The following ZNF627 variants were observed in gnomAD, a reference collection of about 807,000 sequenced individuals.
The protein encoded by ZNF627 is zinc finger protein 627.
In ZNF627, 12 loss-of-function variants were observed where a neutral mutation model predicts 10.6. The observed-to-expected ratio is 1.13, with a 90% CI of 0.73 to 1.84. The LOEUF (loss-of-function observed/expected upper bound fraction) is 1.84. ZNF627 is among the 40% of genes most tolerant of loss of function. ZNF627 has a pLI of 0.00. For missense variants in ZNF627, 504 were observed against 568.4 expected, an observed-to-expected ratio of 0.89 and a Z score of 1.15; for synonymous variants, 176 against 187.1, an observed-to-expected ratio of 0.94 and a Z score of 0.48.
Position 11,615,782 on chromosome 19 carries a change from A to G in ZNF627, c.191+895A>G, listed in dbSNP as rs568512042. On this transcript the variant is annotated intron_variant, in intron 3 of 3. Coordinates refer to ENST00000361113, the MANE Select transcript of ZNF627 (RefSeq NM_145295.4). ...GCCCAGGCTGGAGTGCAAGGGTGCCATCTTGGCTCACTGCAACCTCCGCCT... is the reference window on the plus strand; with the variant it reads ...GCCCAGGCTGGAGTGCAAGGGTGCCGTCTTGGCTCACTGCAACCTCCGCCT... 9.4e-4 allele frequency among the ~76,000 whole-genome samples: 131 copies of G among 139,998 alleles called. 1 individual carries two copies. The highest frequency in any genetic ancestry group is 3.3e-3 in the African/African-American group (126 of 37,712). The allele number at this position is 139,998 out of a possible 152,430, so 91.8% of individuals were successfully genotyped here.
chr19:11,617,966 C>T lies in ZNF627; in HGVS notation c.*77C>T. 1.6e-6 allele frequency: 2 copies of T among 1,280,774 alleles called. No individual in the cohort carries two copies. Among genetic ancestry groups the T allele is most frequent in the Non-Finnish European group, 2.1e-6 (2 of 945,190 alleles). 79.3% of individuals were successfully genotyped at this position (1,280,774 alleles called of 1,614,324 possible). On this transcript the variant is annotated 3_prime_UTR_variant, in exon 4 of 4. Coordinates refer to ENST00000361113, the MANE Select transcript of ZNF627 (RefSeq NM_145295.4). The stretch of plus-strand genomic sequence containing the variant: ...AGCCTTCAGTCCTTTCTGTTTCTTT[C>T]AACTACGTGAAAGGATTCACAGTGG...
intron 1 of ZNF627, among the ~76,000 whole-genome samples, chr19:11,602,885 T>G (rs1246561511): frequency 6.6e-6 from 1 of 152,118 alleles, no homozygotes; most frequent in Admixed American, 6.6e-5. Context: ...GTGGGTTGTG[T>G]GAAACACCTG....
At chr19:11,602,181 A>C (rs751401490) in intron 1 of ZNF627, among the ~76,000 whole-genome samples, 7 of 151,630 alleles carry the variant, frequency 4.6e-5, no homozygotes, top group Non-Finnish European at 1.0e-4. Flanking sequence ...GAGGGTCATC[A>C]GAGGGGTTGT....
chr19:11,612,285 TA>T (rs1410844541), intron 1 of ZNF627, among the ~76,000 whole-genome samples: 1 of 151,776 alleles, frequency 6.6e-6, no homozygotes, highest in African/African-American at 2.4e-5. Context: ...CACGCCCGGC[TA>T]ATTTTTTGTA....
chr19:11,617,071 A>G lies in ZNF627; in HGVS notation c.568A>G (p.Arg190Gly). The change falls in exon 4 of 4, where the codon AGG becomes GGG. Residue 190 changes from arginine (R) to glycine (G), a missense_variant. Transcript: ENST00000361113. ...CATTCGAAGACACATGTTAACGCAT[A>G]GGGGAGGTGTACCTTACAAATGTAA... ...VSIRRHMLTHRGGVPYKCKVC... is the reference protein window; with the variant it reads ...VSIRRHMLTHGGGVPYKCKVC... 2 of 1,614,114 alleles carry G rather than the reference A, an allele frequency of 1.2e-6. No homozygotes were observed. The highest frequency in any genetic ancestry group is 1.7e-6 in the Non-Finnish European group (2 of 1,180,018).
intron 1 of ZNF627, among the ~76,000 whole-genome samples, chr19:11,601,761 A>G (rs528400159): frequency 6.6e-6 from 1 of 151,974 alleles, no homozygotes; most frequent in Admixed American, 6.6e-5. Context: ...TAATCCATGC[A>G]CTTTGGGAGG....
At chr19:11,600,518 G>A (rs1274916337) in intron 1 of ZNF627, among the ~76,000 whole-genome samples, 1 of 151,898 alleles carries the variant, frequency 6.6e-6, no homozygotes, top group African/African-American at 2.4e-5. Context: ...TTTTGTGGGG[G>A]TGGGGTGTGG....
chr19:11,598,499 C>G (rs953459442), intron 1 of ZNF627, among the ~76,000 whole-genome samples: 50 of 152,228 alleles, frequency 3.3e-4, no homozygotes, highest in African/African-American at 1.0e-3. Context: ...ACCAGGACAC[C>G]ATAGCCACAG....
chr19:11,601,688 G>C (rs1041470203), intron 1 of ZNF627, among the ~76,000 whole-genome samples: 60 of 152,050 alleles, frequency 3.9e-4, no homozygotes, highest in South Asian at 1.0e-3. Context: ...TAATCGAAAG[G>C]GGAGAAGGCA....
chr19:11,613,916 A>ATT (rs35877992), intron 1 of ZNF627, among the ~76,000 whole-genome samples: 58 of 92,486 alleles, frequency 6.3e-4, no homozygotes, highest in Non-Finnish European at 9.1e-4. Context: ...TAGTTACTAG[A>ATT]TTTTTTTTTT....
In ZNF627 at chr19:11,617,439, C is replaced by G; in HGVS notation, c.936C>G (p.Cys312Trp). The G allele has an allele frequency of 6.2e-7, 1 of 1,613,710 alleles. No homozygotes were observed. The change falls in exon 4 of 4, where the codon TGC (cysteine) becomes TGG (tryptophan). Residue 312 changes from cysteine to tryptophan, a missense_variant. Cys to Trp is a radical substitution (Grantham distance 215, BLOSUM62 -2). Transcript: ENST00000361113. ...AGAAACTTTTTGAATGTAAGGAATG[C>G]GGGAAGGCTTTGACTTGTCTTGCAA... The part of the protein sequence containing the change: ...TGEKLFECKE[C>W]GKALTCLASV...
At chr19:11,614,788 A>G in intron 2 of ZNF627, 39 bp from the exon 3 acceptor site, 1 of 1,588,320 alleles carries the variant, frequency 6.3e-7, no homozygotes, top group Non-Finnish European at 8.6e-7. Context: ...TCATAATTTT[A>G]TACTAATTCA....
chr19:11,605,604 C>G (rs754325675), intron 1 of ZNF627, among the ~76,000 whole-genome samples: 11 of 152,042 alleles, frequency 7.2e-5, no homozygotes, highest in Non-Finnish European at 1.5e-4. Flanking sequence ...CATGAGAACT[C>G]ACTATTATGA....
chr19:11,607,967 G>A lies in ZNF627; in HGVS notation c.4-6560G>A, dbSNP rs149607050. Among the ~76,000 whole-genome samples the A allele has an allele frequency of 6.2e-3, 937 of 152,242 alleles. 7 individuals carry two copies. Among genetic ancestry groups the A allele is most frequent in the Middle Eastern group, 0.01 (3 of 294 alleles). ...ATTTACTATATTAGTCCATTCTTGC[G>A]CTGTGAATAAATACATACCTGAGAC... On this transcript the variant is annotated intron_variant, in intron 1 of 3. Transcript: ENST00000361113.
chr19:11,612,029 C>A (rs1180960205), intron 1 of ZNF627, among the ~76,000 whole-genome samples: 3 of 150,608 alleles, frequency 2.0e-5, no homozygotes, highest in East Asian at 3.9e-4. Context: ...TTACTATTTT[C>A]TTCTAAGAGT....
chr19:11,602,249 T>G (rs185667467), intron 1 of ZNF627, among the ~76,000 whole-genome samples: 3 of 152,178 alleles, frequency 2.0e-5, no homozygotes, highest in Admixed American at 2.0e-4. Flanking sequence ...GAAGAGAAAC[T>G]TAACCAAAGT....
At chr19:11,598,740 C>T (rs1973535038) in intron 1 of ZNF627, among the ~76,000 whole-genome samples, 1 of 152,106 alleles carries the variant, frequency 6.6e-6, no homozygotes, top group Admixed American at 6.5e-5. Flanking sequence ...AAGGAGCAAT[C>T]GATTGGTCTT....
At chr19:11,614,164 C>T (rs1973826392) in intron 1 of ZNF627, among the ~76,000 whole-genome samples, 1 of 152,102 alleles carries the variant, frequency 6.6e-6, no homozygotes, top group African/African-American at 2.4e-5. Flanking sequence ...TCGTGATCCA[C>T]CCGCCTCGGC....
intron 3 of ZNF627, among the ~76,000 whole-genome samples, chr19:11,616,338 G>A (rs1392493166): frequency 2.6e-5 from 4 of 152,116 alleles, no homozygotes; most frequent in African/African-American, 9.7e-5. Flanking sequence ...AAGCTACTGC[G>A]TCTGGCCATG....
Sources: gnomAD v4.1 joint callset for allele counts (sites outside exome capture counted in the v4.1 genomes callset) on GRCh38, gnomAD v4.1.1 for gene constraint, MANE v1.5 for transcripts, NCBI Gene and HGNC (gene_info 2026-07-23, HGNC 2026-07-21) for gene names.